TSPAN16: variants seen among roughly 807,000 people sequenced by gnomAD.
The protein encoded by TSPAN16 is tetraspanin 16.
TSPAN16 carries 23 observed loss-of-function variants against 25.2 expected under a neutral mutation model. The ratio of observed to expected loss-of-function variants is 0.91; its 90% confidence interval spans 0.66 to 1.29. The LOEUF (loss-of-function observed/expected upper bound fraction) is 1.29, where lower values mean the gene tolerates loss of function less well. Among genes scored for constraint, TSPAN16 ranks in the 50% most tolerant of loss-of-function variants. TSPAN16 has a pLI of 0.00. For synonymous variants in TSPAN16, 123 were observed against 124.4 expected, an observed-to-expected ratio of 0.99 and a Z score of 0.08; for missense variants, 272 against 299.9, an observed-to-expected ratio of 0.91 and a Z score of 0.69.
chr19:11,311,799 T>C (rs2080694435), intron 5 of TSPAN16, among the ~76,000 whole-genome samples: 5 of 151,948 alleles, frequency 3.3e-5, no homozygotes, highest in African/African-American at 1.2e-4. Flanking sequence ...AAAATGGAGG[T>C]ACAGAGAGGT....
chr19:11,325,707 T>A, intron 6 of TSPAN16: 2 of 870,716 alleles, frequency 2.3e-6, no homozygotes, highest in Non-Finnish European at 1.8e-6. Flanking sequence ...GGGACCTTGG[T>A]TGTGTGCCTT....
At chr19:11,301,501 G>A (rs1044546107) in intron 4 of TSPAN16, among the ~76,000 whole-genome samples, 193 bp downstream of exon 4, 1 of 151,906 alleles carries the variant, frequency 6.6e-6, no homozygotes, top group Non-Finnish European at 1.5e-5. Flanking sequence ...TTACCTCCGT[G>A]TGGTGGCAGG....
chr19:11,302,885 ATTTT>A (rs768528967), intron 4 of TSPAN16, among the ~76,000 whole-genome samples: 1 of 135,076 alleles, frequency 7.4e-6, no homozygotes. Flanking sequence ...TGCCTGGCTA[ATTTT>A]TTTTTTTTTT....
chr19:11,316,117 G>GTGTGTGTGTGTGTGTGT (rs375902342), downstream of TSPAN16: 6 of 228,856 alleles, frequency 2.6e-5, no homozygotes, highest in East Asian at 1.2e-4. Context: ...GTGTGTGTGT[G>GTGTGTGTGTGTGTGTGT]GTTTTTTTTT....
rs751532964 is a variant in TSPAN16, at chr19:11,325,421, G to A, written c.688-1373G>A. On this transcript the variant is annotated intron_variant, in intron 6 of 6. Coordinates refer to the TSPAN16 transcript ENST00000316737. The stretch of plus-strand genomic sequence containing the variant: ...CTCTAGCAGCTGCAGCTGCTGGGCT[G>A]GGGGGCTGGAGCATCCCCCACGGCC... 5 of 1,568,338 alleles carry A rather than the reference G, an allele frequency of 3.2e-6. No individual in the cohort carries two copies. The Admixed American group carries it at 8.5e-5, about 27-fold the overall frequency.
chr19:11,325,458 G>A (rs749490015), intron 6 of TSPAN16: 45 of 1,611,448 alleles, frequency 2.8e-5, no homozygotes, highest in Middle Eastern at 1.8e-4. Flanking sequence ...GGCCTTTCCC[G>A]TTGCTGCCTG....
At chr19:11,306,476 G>T (rs1015056721) in intron 4 of TSPAN16, 128 bp from the exon 5 acceptor site, 23 of 1,158,680 alleles carry the variant, frequency 2.0e-5, no homozygotes, top group Non-Finnish European at 2.6e-5. Context: ...TGGGATGTTT[G>T]TAAGAGGATG....
At chr19:11,320,909 G>A (rs1008521716), downstream of TSPAN16, among the ~76,000 whole-genome samples, 16 of 152,028 alleles carry the variant, frequency 1.1e-4, no homozygotes, top group Middle Eastern at 3.4e-3. Flanking sequence ...GGTGGTTCAC[G>A]CCTGTAATCC....
intron 6 of TSPAN16, among the ~76,000 whole-genome samples, chr19:11,321,694 A>G (rs1475411455): frequency 6.6e-6 from 1 of 152,158 alleles, no homozygotes. Flanking sequence ...GGGATGGATC[A>G]GATCATGCAG....
At chr19:11,311,761 G>C (rs2080694114) in intron 5 of TSPAN16, among the ~76,000 whole-genome samples, 1 of 152,142 alleles carries the variant, frequency 6.6e-6, no homozygotes, top group Non-Finnish European at 1.5e-5. Flanking sequence ...TTGTAAGGCA[G>C]ATCCAGTGGG....
chr19:11,307,846 G>A (rs73508685), intron 5 of TSPAN16: 1 of 152,126 alleles, frequency 6.6e-6, no homozygotes, highest in East Asian at 1.9e-4. Context: ...AGGGACTTAC[G>A]GTTACCTTCT....
exon 7 of TSPAN16, chr19:11,326,886 C>T: frequency 1.8e-6 from 1 of 570,998 alleles, no homozygotes; most frequent in Non-Finnish European, 3.1e-6. Context: ...CTGGGTTTAC[C>T]AGCGTGAGCC....
In TSPAN16 at chr19:11,296,187, C is replaced by T. The variant is rs1232502274; in HGVS notation, c.-111C>T. The stretch of plus-strand genomic sequence containing the variant: ...GCAGCCAGGACACAGAGGGGCAGAG[C>T]AAGTCAGCATTGGCGCCCCTTCCTC... On this transcript the variant is annotated 5_prime_UTR_variant, in exon 1 of 7. Transcript: ENST00000590327. 3.5e-6 allele frequency: 4 copies of T among 1,133,834 alleles called. No individual in the cohort carries two copies. In the African/African-American group the frequency reaches 4.5e-5, roughly 13 times the overall value. 70.2% of individuals were successfully genotyped at this position (1,133,834 alleles called of 1,614,324 possible). A position where few individuals can be genotyped will look rare whatever the true frequency, so the allele number is the denominator to read the frequency against.
intron 4 of TSPAN16, among the ~76,000 whole-genome samples, chr19:11,302,676 TATACACACACACAC>T (rs994915486): frequency 2.3e-5 from 3 of 128,398 alleles, no homozygotes; most frequent in African/African-American, 4.0e-5. Context: ...TATATATATA[TATACACACACACAC>T]ACACACACAC....
At chr19:11,308,637 AT>A (rs1420147415) in intron 5 of TSPAN16, among the ~76,000 whole-genome samples, 1 of 151,786 alleles carries the variant, frequency 6.6e-6, no homozygotes, top group African/African-American at 2.4e-5. Context: ...TGCCCAGCTA[AT>A]TTTTTTGTAC....
intron 3 of TSPAN16, 51 bp downstream of exon 3, chr19:11,298,997 A>C: frequency 6.3e-7 from 1 of 1,585,794 alleles, no homozygotes. Context: ...TAAAGAACCA[A>C]GGACGGGCAC....
rs746905501 is a variant in TSPAN16, at chr19:11,320,985, G to A, written c.688-5809G>A. ...GGCGTTCGAGACCAGCCTGGCCAACGTGGTGAAACCCCGTCTCTACTAAAA... is the reference window on the plus strand; with the variant it reads ...GGCGTTCGAGACCAGCCTGGCCAACATGGTGAAACCCCGTCTCTACTAAAA... On this transcript the variant is annotated intron_variant, in intron 6 of 6. Transcript: ENST00000316737. Among the ~76,000 whole-genome samples the A allele has an allele frequency of 2.6e-4, 39 of 151,888 alleles. 1 individual carries two copies. Among genetic ancestry groups the A allele is most frequent in the Middle Eastern group, 3.2e-3 (1 of 316 alleles).
downstream of TSPAN16, among the ~76,000 whole-genome samples, chr19:11,318,341 T>C (rs1452484950): frequency 5.9e-5 from 9 of 152,006 alleles, no homozygotes; most frequent in Admixed American, 5.9e-4. Context: ...TTTGTATTTT[T>C]AGTAGAGACG....
rs1188915856 is a variant in TSPAN16, at chr19:11,298,876, T to A, written c.272T>A (p.Ile91Asn). ...KESRGTLLFCILSMVIVLIME... is the reference protein window; with the variant it reads ...KESRGTLLFCNLSMVIVLIME... The stretch of plus-strand genomic sequence containing the variant: ...CTCTCCCCGTGTGTCTTTTAGTGCA[T>A]CCTGTCAATGGTTATTGTCCTCATC... The change falls in exon 3 of 7, where the codon ATC becomes AAC. Residue 91 changes from isoleucine (I) to asparagine (N), a missense_variant. Ile to Asn is a moderately radical substitution (Grantham distance 149). Transcript: ENST00000590327. The A allele has an allele frequency of 1.2e-6, 2 of 1,614,064 alleles. No homozygotes were observed. The highest frequency in any genetic ancestry group is 1.7e-5 in the Admixed American group (1 of 59,998).
Sources: gnomAD v4.1 joint callset for allele counts (sites outside exome capture counted in the v4.1 genomes callset) on GRCh38, gnomAD v4.1.1 for gene constraint, MANE v1.5 for transcripts, NCBI Gene and HGNC (gene_info 2026-07-23, HGNC 2026-07-21) for gene names.